ACOXL: variants seen among roughly 807,000 people sequenced by gnomAD.
ACOXL encodes acyl-coenzyme A oxidase-like protein.
A neutral mutation model predicts 71.9 loss-of-function variants in ACOXL; 70 were observed. That is an observed-to-expected ratio of 0.97 (90% CI 0.80 to 1.19). The LOEUF is 1.19. Among genes scored for constraint, ACOXL ranks in the 50% most tolerant of loss-of-function variants. The probability of loss-of-function intolerance (pLI) is 0.00; values close to 1 mark genes in which losing one functional copy is unlikely to be tolerated. For synonymous variants in ACOXL, 253 were observed against 281.6 expected, an observed-to-expected ratio of 0.90 and a Z score of 1.02; for missense variants, 703 against 736.3, an observed-to-expected ratio of 0.95 and a Z score of 0.52.
chr2:111,064,022 C>T (rs1209374244), intron 16 of ACOXL, among the ~76,000 whole-genome samples: 1 of 152,200 alleles, frequency 6.6e-6, no homozygotes, highest in Non-Finnish European at 1.5e-5. Context: ...GTTGCAGATA[C>T]AAGGTCAACG....
chr2:110,878,445 G>A (rs921557873), intron 10 of ACOXL, among the ~76,000 whole-genome samples: 2 of 152,176 alleles, frequency 1.3e-5, no homozygotes, highest in Non-Finnish European at 2.9e-5. Context: ...CAGCTTTAAT[G>A]TATGTTGAAT....
At chr2:110,907,116 G>A (rs1384076229) in intron 10 of ACOXL, among the ~76,000 whole-genome samples, 4 of 152,230 alleles carry the variant, frequency 2.6e-5, no homozygotes, top group African/African-American at 9.6e-5. Context: ...GAGACTGCAA[G>A]TCAAAAGTCA....
At chr2:110,807,346 C>T (rs1686789712) in intron 9 of ACOXL, among the ~76,000 whole-genome samples, 1 of 152,190 alleles carries the variant, frequency 6.6e-6, no homozygotes, top group South Asian at 2.1e-4. Flanking sequence ...TGCTCCATAG[C>T]TGACAGCTGT....
intron 10 of ACOXL, among the ~76,000 whole-genome samples, chr2:110,852,540 C>T (rs1444531576): frequency 1.3e-5 from 2 of 152,218 alleles, no homozygotes; most frequent in African/African-American, 4.8e-5. Context: ...CAAGATGCTG[C>T]ATTTATAGGC....
intron 2 of ACOXL, among the ~76,000 whole-genome samples, chr2:110,780,727 G>A (rs1375836026): frequency 1.3e-5 from 2 of 152,098 alleles, no homozygotes; most frequent in African/African-American, 4.8e-5. Context: ...ACTAGTGGAT[G>A]GTGATACAAA....
chr2:110,783,870 C>T (rs987575924), intron 2 of ACOXL, among the ~76,000 whole-genome samples: 1 of 152,174 alleles, frequency 6.6e-6, no homozygotes, highest in Non-Finnish European at 1.5e-5. Flanking sequence ...TAAGAAAATG[C>T]TGGCTGCCTC....
intron 16 of ACOXL, among the ~76,000 whole-genome samples, chr2:111,051,919 A>G (rs535034321): frequency 6.6e-6 from 1 of 152,342 alleles, no homozygotes; most frequent in East Asian, 1.9e-4. Flanking sequence ...GGCATGGTCC[A>G]TGATTGTCCC....
intron 17 of ACOXL, among the ~76,000 whole-genome samples, chr2:111,111,366 C>G (rs573388413): frequency 6.6e-6 from 1 of 152,272 alleles, no homozygotes; most frequent in South Asian, 2.1e-4. Flanking sequence ...TCCCAAAATG[C>G]TGAAATTACA....
chr2:111,005,195 A>C (rs1558857526), intron 14 of ACOXL, among the ~76,000 whole-genome samples: 1 of 152,156 alleles, frequency 6.6e-6, no homozygotes, highest in Non-Finnish European at 1.5e-5. Context: ...CAGGGTGTAT[A>C]AGACTCACCT....
At chr2:111,013,858 C>G (rs1046771035) in intron 14 of ACOXL, among the ~76,000 whole-genome samples, 1 of 63,126 alleles carries the variant, frequency 1.6e-5, no homozygotes, top group Non-Finnish European at 3.2e-5. Context: ...ATATTCTCCA[C>G]GAATATAGGT....
chr2:110,981,097 T>C (rs905243530), intron 12 of ACOXL, among the ~76,000 whole-genome samples: 5 of 152,216 alleles, frequency 3.3e-5, no homozygotes, highest in Non-Finnish European at 7.3e-5. Context: ...GTGTAGTGGC[T>C]CATGCCCATA....
At chr2:110,876,441 T>A (rs1695914872) in intron 10 of ACOXL, among the ~76,000 whole-genome samples, 1 of 152,108 alleles carries the variant, frequency 6.6e-6, no homozygotes, top group Non-Finnish European at 1.5e-5. Context: ...CAGCCCAGGC[T>A]GAGGCCCGTC....
intron 11 of ACOXL, among the ~76,000 whole-genome samples, chr2:110,923,647 C>T (rs534297937): frequency 6.6e-6 from 1 of 152,156 alleles, no homozygotes; most frequent in Admixed American, 6.5e-5. Context: ...AGAAACAGAG[C>T]ATGAGGCCTG....
intron 2 of ACOXL, among the ~76,000 whole-genome samples, chr2:110,778,520 G>C (rs1204601817): frequency 1.3e-5 from 2 of 152,226 alleles, no homozygotes; most frequent in East Asian, 3.8e-4. Flanking sequence ...ATGGGTTTCT[G>C]ATTTTGGAGT....
chr2:110,744,582 C>A (rs568307290), intron 1 of ACOXL, among the ~76,000 whole-genome samples: 1 of 152,260 alleles, frequency 6.6e-6, no homozygotes, highest in African/African-American at 2.4e-5. Flanking sequence ...TACCTACAAC[C>A]TTCTCCCACA....
chr2:110,766,800 C>T (rs565728405), intron 1 of ACOXL, among the ~76,000 whole-genome samples: 152 of 152,264 alleles, frequency 1.0e-3, no homozygotes, highest in Non-Finnish European at 2.0e-3. Context: ...ATGGCCACTA[C>T]TGGACTCCAC....
chr2:110,870,938 C>A (rs187708574), intron 10 of ACOXL, among the ~76,000 whole-genome samples: 33 of 152,268 alleles, frequency 2.2e-4, no homozygotes, highest in Admixed American at 7.8e-4. Context: ...GAGGTCAGGC[C>A]TGCTCAGGAG....
intron 16 of ACOXL, among the ~76,000 whole-genome samples, chr2:111,069,419 T>G (rs1289435384): frequency 1.3e-5 from 2 of 152,212 alleles, no homozygotes; most frequent in Non-Finnish European, 2.9e-5. Context: ...TCCAAAGTGC[T>G]GGGATTACAG....
At chr2:110,970,889 C>T (rs917829815) in intron 12 of ACOXL, among the ~76,000 whole-genome samples, 6 of 152,048 alleles carry the variant, frequency 3.9e-5, no homozygotes, top group Non-Finnish European at 8.8e-5. Context: ...AGGAGAAAAT[C>T]CTTGAGACCT....
Sources: allele counts gnomAD v4.1 joint callset (sites outside exome capture counted in the v4.1 genomes callset), GRCh38; gene constraint gnomAD v4.1.1; transcripts MANE v1.5; gene names NCBI Gene and HGNC (gene_info 2026-07-23, HGNC 2026-07-21).